The following LNX1 variants were observed in gnomAD, a reference collection of about 807,000 sequenced individuals.
LNX1 encodes E3 ubiquitin-protein ligase LNX.
In LNX1, 54 loss-of-function variants were observed where a neutral mutation model predicts 68.4. The ratio of observed to expected loss-of-function variants is 0.79; its 90% CI spans 0.63 to 0.99. The LOEUF (loss-of-function observed/expected upper bound fraction) is 0.99. Among genes scored for constraint, LNX1 ranks in the 50% least tolerant of loss-of-function variants. The probability of loss-of-function intolerance (pLI) is 0.00; values close to 1 mark genes in which losing one functional copy is unlikely to be tolerated. For synonymous variants in LNX1, 336 were observed against 350.0 expected, an observed-to-expected ratio of 0.96 and a Z score of 0.45; for missense variants, 906 against 926.4, an observed-to-expected ratio of 0.98 and a Z score of 0.29.
intron 6 of LNX1, among the ~76,000 whole-genome samples, chr4:53,492,506 T>TGAGAGAGAGAGAGAGAGAAAGAGA: frequency 1.1e-5 from 1 of 88,942 alleles, no homozygotes; most frequent in Non-Finnish European, 2.3e-5. Flanking sequence ...CAGAGGGCTC[T>TGAGAGAGAGAGAGAGAGAAAGAGA]GAGAGAGAGA....
intron 2 of LNX1, among the ~76,000 whole-genome samples, chr4:53,551,218 G>T (rs1466548643): frequency 2.6e-5 from 4 of 152,086 alleles, no homozygotes; most frequent in Non-Finnish European, 5.9e-5. Context: ...TCTCCCCGAG[G>T]CCTCATCCTT....
At chr4:53,493,140 T>A (rs1375199481) in intron 6 of LNX1, among the ~76,000 whole-genome samples, 2 of 152,158 alleles carry the variant, frequency 1.3e-5, no homozygotes, top group Admixed American at 6.5e-5. Flanking sequence ...CAGCTAATTT[T>A]GTATTTTTAG....
At chr4:53,536,682 T>A (rs913014006) in intron 2 of LNX1, among the ~76,000 whole-genome samples, 1 of 152,212 alleles carries the variant, frequency 6.6e-6, no homozygotes, top group African/African-American at 2.4e-5. Flanking sequence ...CTCAAATGAA[T>A]GCTTTAAATG....
intron 2 of LNX1, among the ~76,000 whole-genome samples, chr4:53,569,957 C>G (rs528025689): frequency 6.6e-6 from 1 of 152,162 alleles, no homozygotes; most frequent in African/African-American, 2.4e-5. Context: ...ATCAAAACCA[C>G]AATGAGATAC....
chr4:53,527,164 T>A (rs528088637), intron 2 of LNX1, among the ~76,000 whole-genome samples: 88 of 152,246 alleles, frequency 5.8e-4, no homozygotes, highest in South Asian at 3.7e-3. Flanking sequence ...CAGTTTTCTG[T>A]TCTCAGCACC....
intron 1 of LNX1, among the ~76,000 whole-genome samples, chr4:53,633,200 T>C (rs1391105189): frequency 1.3e-5 from 2 of 152,176 alleles, no homozygotes; most frequent in Non-Finnish European, 2.9e-5. Context: ...CACATTAAAT[T>C]TGATGAGAAA....
intron 2 of LNX1, among the ~76,000 whole-genome samples, chr4:53,605,129 A>C (rs1291098370): frequency 6.6e-6 from 1 of 152,090 alleles, no homozygotes; most frequent in African/African-American, 2.4e-5. Flanking sequence ...TACAAGGCCC[A>C]CCCAGATGAA....
At chr4:53,569,128 C>T (rs1305882209) in intron 2 of LNX1, among the ~76,000 whole-genome samples, 1 of 151,920 alleles carries the variant, frequency 6.6e-6, no homozygotes, top group East Asian at 1.9e-4. Context: ...CATCAAGCTA[C>T]CAATGCCTTT....
At chr4:53,462,913 C>CTT (rs1314940995) in intron 9 of LNX1, among the ~76,000 whole-genome samples, 1 of 152,134 alleles carries the variant, frequency 6.6e-6, no homozygotes, top group Non-Finnish European at 1.5e-5. Flanking sequence ...ACATAACACA[C>CTT]TTTACATAAC....
intron 2 of LNX1, among the ~76,000 whole-genome samples, chr4:53,612,281 T>C (rs1350373054): frequency 6.6e-6 from 1 of 152,122 alleles, no homozygotes; most frequent in African/African-American, 2.4e-5. Context: ...ACAGCTTAGG[T>C]AGAATGGAAA....
chr4:53,534,412 G>A (rs1283314262), intron 2 of LNX1, among the ~76,000 whole-genome samples: 1 of 50,292 alleles, frequency 2.0e-5, no homozygotes, highest in East Asian at 4.2e-4. Context: ...GCTGAGGCAG[G>A]AGGGTCTCGA....
chr4:53,613,683 C>T (rs749648629), intron 2 of LNX1, among the ~76,000 whole-genome samples: 4 of 152,060 alleles, frequency 2.6e-5, no homozygotes, highest in Non-Finnish European at 5.9e-5. Flanking sequence ...ATATATATGC[C>T]ACATTTTCTT....
At position 53,498,688 on chromosome 4, in the gene LNX1, C is replaced by T. The variant is rs374448115; in HGVS notation, c.931G>A (p.Val311Met). 1 of 1,614,110 alleles carries T rather than the reference C, an allele frequency of 6.2e-7. No individual in the cohort carries two copies. Among genetic ancestry groups the T allele is most frequent in the Non-Finnish European group, 8.5e-7 (1 of 1,179,968 alleles). The change falls in exon 5 of 11, where the codon GTG becomes ATG. Residue 311 changes from valine (V) to methionine (M), a missense_variant. Transcript: ENST00000263925. ...IIIQHIYRDG[V>M]IARDGRLLPG... ...AGTAGCCGGCCGTCTCTGGCGATCA[C>T]CCCATCACGATAAATGTGTTGGATA...
intron 2 of LNX1, among the ~76,000 whole-genome samples, chr4:53,509,210 A>G (rs1247048183): frequency 6.6e-6 from 1 of 152,240 alleles, no homozygotes; most frequent in Non-Finnish European, 1.5e-5. Context: ...CAGTTTCCAC[A>G]GTTGTGAAGG....
chr4:53,504,215 T>C (rs1305372887), intron 4 of LNX1, among the ~76,000 whole-genome samples: 1 of 152,256 alleles, frequency 6.6e-6, no homozygotes, highest in African/African-American at 2.4e-5. Flanking sequence ...CTGCTGCAGC[T>C]TCTACAATCA....
At chr4:53,520,592 A>G (rs1297605043) in intron 2 of LNX1, among the ~76,000 whole-genome samples, 5 of 152,086 alleles carry the variant, frequency 3.3e-5, no homozygotes, top group Admixed American at 6.6e-5. Flanking sequence ...TCAAGTGTGT[A>G]TGTGATGTGA....
At chr4:53,650,953 T>A (rs1735075294) in intron 1 of LNX1, among the ~76,000 whole-genome samples, 1 of 152,182 alleles carries the variant, frequency 6.6e-6, no homozygotes, top group African/African-American at 2.4e-5. Flanking sequence ...CAGGAAAGAC[T>A]TCACATGCAT....
At chr4:53,558,599 CTAAT>C (rs1188907963) in intron 2 of LNX1, among the ~76,000 whole-genome samples, 1 of 152,204 alleles carries the variant, frequency 6.6e-6, no homozygotes, top group African/African-American at 2.4e-5. Context: ...AGCTTCCTCG[CTAAT>C]TTTGAAATCT....
intron 9 of LNX1, among the ~76,000 whole-genome samples, chr4:53,472,693 A>AAC (rs1553930204): frequency 7.2e-6 from 1 of 139,676 alleles, no homozygotes; most frequent in East Asian, 2.1e-4. Flanking sequence ...AACAAAAAAA[A>AAC]AAAAAACAAA....
Sources: gnomAD v4.1 joint callset for allele counts (sites outside exome capture counted in the v4.1 genomes callset) on GRCh38, gnomAD v4.1.1 for gene constraint, MANE v1.5 for transcripts, NCBI Gene and HGNC (gene_info 2026-07-23, HGNC 2026-07-21) for gene names.